E2F8: variants seen among roughly 807,000 people sequenced by gnomAD.
The protein encoded by E2F8 is transcription factor E2F8.
A neutral mutation model predicts 80.8 loss-of-function variants in E2F8; 35 were observed. The observed-to-expected ratio is 0.43, with a 90% CI of 0.33 to 0.57. The LOEUF is 0.57. E2F8 is among the 20% of genes least tolerant of loss of function. The pLI, the probability that E2F8 is intolerant of heterozygous loss-of-function variation, is 0.04. For missense variants in E2F8, 975 were observed against 1,056.2 expected, an observed-to-expected ratio of 0.92 and a Z score of 1.07; for synonymous variants, 386 against 395.0, an observed-to-expected ratio of 0.98 and a Z score of 0.27.
chr11:19,237,225 A>C, intron 4 of E2F8, 89 bp downstream of exon 4: 1 of 1,248,852 alleles, frequency 8.0e-7, no homozygotes, highest in South Asian at 1.3e-5. Flanking sequence ...ATTTACAAAC[A>C]CTGGCTAGAT....
At position 19,230,680 on chromosome 11, in the gene E2F8, A is replaced by T; in HGVS notation, c.1221T>A (p.Asp407Glu). 1 of 1,614,212 alleles carries T rather than the reference A, an allele frequency of 6.2e-7. No homozygotes were observed. Among genetic ancestry groups the T allele is most frequent in the Non-Finnish European group, 8.5e-7 (1 of 1,180,024 alleles). Residue 407 changes from aspartate to glutamate, a missense_variant, in exon 8 of 13, where the codon GAT becomes GAA. Asp to Glu is a conservative substitution (Grantham distance 45). Coordinates refer to ENST00000250024, the MANE Select transcript of E2F8 (RefSeq NM_024680.4). ...TGGGCGCAGAATTTATCTTTCTCCG[A>T]TCACTTTCTATACTCTTTACCAATT... The part of the protein sequence containing the change: ...LIKLVKSIES[D>E]RRKINSAPSS...
Position 19,237,875 on chromosome 11 carries a change from A to T in E2F8, c.273T>A (p.Pro91=). The T allele has an allele frequency of 6.2e-7, 1 of 1,613,884 alleles. No individual in the cohort carries two copies. The highest frequency in any genetic ancestry group is 8.5e-7 in the Non-Finnish European group (1 of 1,179,990). The change falls in exon 3 of 13, where the codon CCT becomes CCA. Residue 91 remains proline, a synonymous_variant. Coordinates refer to ENST00000250024, the MANE Select transcript of E2F8 (RefSeq NM_024680.4). ...CTACGTGTATACAGTCTTTGGCCTC[A>T]GGTAATCCACTTCTGTTGTCAAACA... The part of the protein sequence containing the change: ...RGLFDNRSGL[P]EAKDCIHEHL...
rs554512993 is a variant in E2F8 at position 19,231,300 on chromosome 11, A to C, written c.1067-466T>G. 1.2e-4 allele frequency among the ~76,000 whole-genome samples: 18 copies of C among 152,266 alleles called. No individual in the cohort carries two copies. In the South Asian group the frequency reaches 3.7e-3, roughly 32 times the overall value. Reference sequence around the variant, plus strand: ...TCAACTGGGAGCATGTGGGCCTGGGATATGAACCTGGTCAATATGGCCCCG... The same window carrying C: ...TCAACTGGGAGCATGTGGGCCTGGGCTATGAACCTGGTCAATATGGCCCCG... On this transcript the variant is annotated intron_variant, in intron 7 of 12. Coordinates refer to ENST00000250024, the MANE Select transcript of E2F8 (RefSeq NM_024680.4).
rs77599073 is a variant in E2F8 at position 19,230,828 on chromosome 11, C to T, written c.1073G>A (p.Ser358Asn). The T allele has an allele frequency of 2.8e-5, 45 of 1,613,994 alleles. No individual in the cohort carries two copies. The highest frequency in any genetic ancestry group is 3.5e-5 in the Non-Finnish European group (41 of 1,179,944). ...AGAGGGAGTAAAATGAATGACTGGG[C>T]TGGAGCCTGAAACAGAAAACGTCTG... ...PEISPNTSGS[S>N]PVIHFTPSDL... is the part of the protein sequence containing the mutation. Residue 358 changes from serine (S) to asparagine (N), a missense_variant, in exon 8 of 13, where the codon AGC becomes AAC. Coordinates refer to ENST00000250024, the MANE Select transcript of E2F8 (RefSeq NM_024680.4).
chr11:19,232,279 G>A lies in E2F8; in HGVS notation c.1021C>T (p.Pro341Ser), dbSNP rs1443558914. Residue 341 changes from proline to serine, a missense_variant, in exon 7 of 13, where the codon CCA (proline) becomes TCA (serine). Coordinates refer to ENST00000250024, the MANE Select transcript of E2F8 (RefSeq NM_024680.4). ...TCTGGGCCGGTCCATTTGAAAGCTGGTTTTCGGCCTCTTTCCTCTGTAACA... is the reference window on the plus strand; with the variant it reads ...TCTGGGCCGGTCCATTTGAAAGCTGATTTTCGGCCTCTTTCCTCTGTAACA... The part of the protein sequence containing the change: ...VHVTEERGRK[P>S]AFKWTGPEIS... 2 of 1,614,140 alleles carry A rather than the reference G, an allele frequency of 1.2e-6. No homozygotes were observed. The highest frequency in any genetic ancestry group is 1.7e-5 in the Admixed American group (1 of 60,014).
rs374939212 is a variant in E2F8, at chr11:19,240,147, G to A, written c.-26C>T. ...TCTGTAAATTCCTCATACATTTAGA[G>A]TTTAAAAATGAAAAATCTGGAGTTC... is the stretch of plus-strand genomic sequence containing the variant. On this transcript the variant is annotated 5_prime_UTR_variant, in exon 2 of 13. Coordinates refer to ENST00000250024, the MANE Select transcript of E2F8 (RefSeq NM_024680.4). The A allele has an allele frequency of 7.5e-6, 11 of 1,469,594 alleles. No homozygotes were observed. The highest frequency in any genetic ancestry group is 4.3e-5 in the African/African-American group (3 of 69,844). The allele number at this position is 1,469,594 out of a possible 1,614,324, so 91.0% of individuals were successfully genotyped here.
In E2F8 at chr11:19,238,052, C is replaced by T. The variant is rs924756197; in HGVS notation, c.96G>A (p.Leu32=). Residue 32 remains leucine (L), a synonymous_variant, in exon 3 of 13, where the codon TTG becomes TTA. Coordinates refer to ENST00000250024, the MANE Select transcript of E2F8 (RefSeq NM_024680.4). ...GGCCAAAGTCAGGCTGGATCTCTGC[C>T]AACACGATATTTGCTGTGGTGGATT... ...LKESTTANIV[L]AEIQPDFGPL... is the part of the protein sequence containing the mutation. 4 of 1,614,176 alleles carry T rather than the reference C, an allele frequency of 2.5e-6. No homozygotes were observed. Among genetic ancestry groups the T allele is most frequent in the Non-Finnish European group, 3.4e-6 (4 of 1,180,040 alleles).
At chr11:19,230,396 T>A in intron 8 of E2F8, 68 bp from the exon 9 acceptor site, 1 of 1,484,356 alleles carries the variant, frequency 6.7e-7, no homozygotes, top group East Asian at 2.3e-5. Flanking sequence ...AGATGAAACC[T>A]CACTGAAGTC....
At chr11:19,237,156 T>C (rs1437897704) in intron 4 of E2F8, among the ~76,000 whole-genome samples, 158 bp downstream of exon 4, 1 of 152,244 alleles carries the variant, frequency 6.6e-6, no homozygotes. Flanking sequence ...CTTACCTTCA[T>C]TCTTATATTA....
chr11:19,226,040 C>T, intron 10 of E2F8, 176 bp from the exon 11 acceptor site: 1 of 657,382 alleles, frequency 1.5e-6, no homozygotes. Context: ...CCCTCCCACC[C>T]TTCCCAATGC....
chr11:19,226,355 A>G (rs1305610854), intron 10 of E2F8, among the ~76,000 whole-genome samples: 1 of 152,232 alleles, frequency 6.6e-6, no homozygotes, highest in Non-Finnish European at 1.5e-5. Context: ...ACAAAGTCAA[A>G]TGGTGTCTTT....
chr11:19,236,592 C>T (rs916002005), intron 4 of E2F8, among the ~76,000 whole-genome samples: 1 of 152,162 alleles, frequency 6.6e-6, no homozygotes, highest in African/African-American at 2.4e-5. Context: ...GTAGATGAAT[C>T]TAAACGGTAT....
intron 10 of E2F8, among the ~76,000 whole-genome samples, chr11:19,228,631 A>G (rs1386148215): frequency 2.0e-5 from 3 of 152,254 alleles, no homozygotes; most frequent in Non-Finnish European, 4.4e-5. Flanking sequence ...ACCGATGCGG[A>G]AAAATAAGAC....
Position 19,224,469 on chromosome 11 carries a change from ATGTGTGTG to A in E2F8, c.*181_*188del, listed in dbSNP as rs10558787. 7.2e-5 allele frequency: 26 copies of A among 360,812 alleles called. No individual in the cohort carries two copies. Among genetic ancestry groups the A allele is most frequent in the Admixed American group, 4.9e-4 (11 of 22,550 alleles). The allele number at this position is 360,812 out of a possible 1,614,324, so 22.4% of individuals were successfully genotyped here. ...GCTAAACTTAGCTTTATACAAATAT[ATGTGTGTG>A]TGTGTGTGTGTGTGTGTGTGTATAT... On this transcript the variant is annotated 3_prime_UTR_variant, in exon 13 of 13. Transcript: ENST00000250024.
rs746990516 is a variant in E2F8, at chr11:19,225,850, T to C, written c.1908A>G (p.Ser636=). 3 of 1,613,984 alleles carry C rather than the reference T, an allele frequency of 1.9e-6. No homozygotes were observed. The highest frequency in any genetic ancestry group is 1.3e-5 in the African/African-American group (1 of 74,916). The change falls in exon 11 of 13, where the codon TCA becomes TCG. Residue 636 remains serine (S), a synonymous_variant. Transcript: ENST00000250024. ...LENVSATLFP[S]GYLIPLTQCS... Reference sequence around the variant, plus strand: ...ACTGCGTGAGAGGGATTAGGTATCCTGATGGGAACAAGGTCTAGAAAACAA... The same window carrying C: ...ACTGCGTGAGAGGGATTAGGTATCCCGATGGGAACAAGGTCTAGAAAACAA...
intron 7 of E2F8, among the ~76,000 whole-genome samples, chr11:19,231,226 G>C (rs7948703): frequency 0.01 from 1,583 of 152,276 alleles, 33 homozygotes; most frequent in African/African-American, 0.036. Context: ...CTGTGTCGGA[G>C]ATGAGAGCTC....
chr11:19,230,551 T>C (rs967361665), intron 8 of E2F8, 80 bp downstream of exon 8: 17 of 1,474,306 alleles, frequency 1.2e-5, no homozygotes, highest in Non-Finnish European at 1.6e-5. Context: ...CTGACAACTA[T>C]TGCAAGGATC....
intron 6 of E2F8, among the ~76,000 whole-genome samples, chr11:19,233,494 T>G (rs1013791380): frequency 2.6e-5 from 4 of 152,166 alleles, no homozygotes; most frequent in Admixed American, 6.5e-5. Flanking sequence ...CTTCTAGTGT[T>G]TCCTTTTTTT....
At chr11:19,233,018 G>A (rs375797958) in intron 6 of E2F8, among the ~76,000 whole-genome samples, 14 of 152,036 alleles carry the variant, frequency 9.2e-5, no homozygotes, top group East Asian at 5.8e-4. Flanking sequence ...AATTCCCTGG[G>A]GATTCAGTAA....
Sources: gnomAD v4.1 joint callset for allele counts (sites outside exome capture counted in the v4.1 genomes callset) on GRCh38, gnomAD v4.1.1 for gene constraint, MANE v1.5 for transcripts, NCBI Gene and HGNC (gene_info 2026-07-23, HGNC 2026-07-21) for gene names.